Variants in CPED1 observed in about 807,000 individuals in gnomAD.
The protein encoded by CPED1 is cadherin-like and PC-esterase domain-containing protein 1.
CPED1 carries 114 observed loss-of-function variants against 128.2 expected under a neutral mutation model. The observed-to-expected ratio is 0.89, with a 90% CI of 0.76 to 1.04. CPED1 has a LOEUF of 1.04. CPED1 is among the 50% of genes least tolerant of loss of function. The pLI, the probability that CPED1 is intolerant of heterozygous loss-of-function variation, is 0.00. For missense variants in CPED1, 1,211 were observed against 1,207.1 expected, an observed-to-expected ratio of 1.00 and a Z score of -0.05; for synonymous variants, 462 against 426.7, an observed-to-expected ratio of 1.08 and a Z score of -1.02.
intron 16 of CPED1, among the ~76,000 whole-genome samples, chr7:121,156,615 A>G (rs887624296): frequency 6.6e-6 from 1 of 152,220 alleles, no homozygotes; most frequent in Non-Finnish European, 1.5e-5. Context: ...GTTCACGTTC[A>G]TATATGTGAG....
At chr7:121,065,966 C>T (rs751956469) in intron 5 of CPED1, among the ~76,000 whole-genome samples, 53 of 152,080 alleles carry the variant, frequency 3.5e-4, no homozygotes, top group Middle Eastern at 3.4e-3. Context: ...ATGTCTGCAG[C>T]ATTATTTTCT....
intron 16 of CPED1, among the ~76,000 whole-genome samples, chr7:121,226,113 G>A (rs34088248): frequency 0.39 from 59,912 of 151,862 alleles, 12,340 homozygotes; most frequent in Middle Eastern, 0.51. Context: ...CCATCGTTAT[G>A]GTTTTATCTA....
intron 9 of CPED1, among the ~76,000 whole-genome samples, chr7:121,126,204 G>A (rs1481218632): frequency 6.6e-6 from 1 of 151,890 alleles, no homozygotes; most frequent in African/African-American, 2.4e-5. Context: ...ATAATAGAAA[G>A]TAACAGATTA....
At chr7:121,267,428 C>A in intron 21 of CPED1, 126 bp downstream of exon 21, 1 of 466,132 alleles carries the variant, frequency 2.1e-6, no homozygotes, top group Non-Finnish European at 3.8e-6. Context: ...AGAGATTGTG[C>A]TTTAAGTTCC....
rs147010409 is a variant in CPED1, at chr7:121,076,081, A to G, written c.616+11768A>G. On this transcript the variant is annotated intron_variant, in intron 5 of 22. Transcript: ENST00000310396. Reference sequence around the variant, plus strand: ...AGTACATGGTCATAGTCCCTAATATATAATAGTCACTCTAATAATTTTGAA... The same window carrying G: ...AGTACATGGTCATAGTCCCTAATATGTAATAGTCACTCTAATAATTTTGAA... Among the ~76,000 whole-genome samples, 157 of 152,246 alleles carry G rather than the reference A, an allele frequency of 1.0e-3. 1 individual carries two copies. The highest frequency in any genetic ancestry group is 3.4e-3 in the Middle Eastern group (1 of 294).
At chr7:121,132,365 T>C (rs1795692317) in intron 12 of CPED1, among the ~76,000 whole-genome samples, 1 of 152,052 alleles carries the variant, frequency 6.6e-6, no homozygotes, top group Non-Finnish European at 1.5e-5. Flanking sequence ...ATCATTGTCC[T>C]TATCTTCTCA....
chr7:121,262,443 C>A (rs1444489560), intron 18 of CPED1, among the ~76,000 whole-genome samples: 2 of 152,030 alleles, frequency 1.3e-5, no homozygotes, highest in African/African-American at 4.8e-5. Context: ...GGGAAAAATA[C>A]CAATTCCTGT....
intron 4 of CPED1, among the ~76,000 whole-genome samples, chr7:121,061,380 A>G (rs1043718374): frequency 3.6e-4 from 55 of 152,372 alleles, no homozygotes; most frequent in African/African-American, 1.3e-3. Context: ...ATATACACAC[A>G]TACACATAGA....
intron 3 of CPED1, among the ~76,000 whole-genome samples, chr7:121,021,110 T>C (rs1393654069): frequency 6.6e-6 from 1 of 151,942 alleles, no homozygotes; most frequent in Non-Finnish European, 1.5e-5. Flanking sequence ...TGGAGAGTAG[T>C]ATTTAAATGA....
chr7:120,995,590 T>A (rs1258642949), intron 2 of CPED1, among the ~76,000 whole-genome samples: 1 of 152,206 alleles, frequency 6.6e-6, no homozygotes, highest in Non-Finnish European at 1.5e-5. Context: ...TATTATAAAA[T>A]ACTACAAAAA....
intron 22 of CPED1, among the ~76,000 whole-genome samples, chr7:121,286,330 G>T (rs1386214023): frequency 6.6e-6 from 1 of 152,184 alleles, no homozygotes; most frequent in Non-Finnish European, 1.5e-5. Flanking sequence ...TCTTTGTAGA[G>T]GTGAGACATT....
intron 4 of CPED1, among the ~76,000 whole-genome samples, chr7:121,048,523 T>TC (rs796294347): frequency 5.6e-4 from 85 of 152,226 alleles, no homozygotes; most frequent in African/African-American, 2.0e-3. Context: ...TTAACGTTTT[T>TC]TTTTCTTCTG....
intron 16 of CPED1, among the ~76,000 whole-genome samples, chr7:121,193,189 G>T (rs1797185613): frequency 6.6e-6 from 1 of 152,138 alleles, no homozygotes; most frequent in South Asian, 2.1e-4. Context: ...CAAATTTGTG[G>T]TTTATATTTT....
intron 7 of CPED1, among the ~76,000 whole-genome samples, chr7:121,103,596 A>T (rs1260440547): frequency 6.6e-6 from 1 of 152,148 alleles, no homozygotes; most frequent in Non-Finnish European, 1.5e-5. Flanking sequence ...GACAAAACCA[A>T]ACCCACTTTA....
At position 121,124,353 on chromosome 7, in the gene CPED1, T is replaced by A; in HGVS notation, c.941T>A (p.Phe314Tyr). ...TVKLQTFFET[F>Y]LRASSPQQAF... ...CAGCTGCAAACATTTTTTGAGACAT[T>A]CCTGAGAGCCAGTTCACCTCAACAG... The change falls in exon 8 of 23, where the codon TTC becomes TAC. Residue 314 changes from phenylalanine (F) to tyrosine (Y), a missense_variant. By Grantham distance (22) the Phe-to-Tyr change is conservative (BLOSUM62 3). Transcript: ENST00000310396. The A allele has an allele frequency of 6.2e-7, 1 of 1,607,366 alleles. No homozygotes were observed. Among genetic ancestry groups the A allele is most frequent in the Non-Finnish European group, 8.5e-7 (1 of 1,177,110 alleles).
At chr7:121,149,437 A>G (rs1796100665) in intron 16 of CPED1, 1 of 152,218 alleles carries the variant, frequency 6.6e-6, no homozygotes, top group Admixed American at 6.5e-5. Flanking sequence ...CACTCACCTC[A>G]TGAGGTCATG....
At chr7:121,169,217 G>T (rs1796598361) in intron 16 of CPED1, among the ~76,000 whole-genome samples, 1 of 151,718 alleles carries the variant, frequency 6.6e-6, no homozygotes, top group Non-Finnish European at 1.5e-5. Flanking sequence ...GCTGCCTATA[G>T]CTTTTAGAGA....
chr7:121,177,375 C>A (rs376153313), intron 16 of CPED1, among the ~76,000 whole-genome samples: 2 of 151,936 alleles, frequency 1.3e-5, no homozygotes, highest in African/African-American at 4.8e-5. Context: ...GCCTACTCAC[C>A]ATGTTTCTCT....
intron 7 of CPED1, among the ~76,000 whole-genome samples, chr7:121,106,338 A>G (rs1794975427): frequency 1.3e-5 from 2 of 152,064 alleles, no homozygotes; most frequent in South Asian, 4.1e-4. Flanking sequence ...TTATATAGGT[A>G]TACACATATA....
Sources: allele counts gnomAD v4.1 joint callset (sites outside exome capture counted in the v4.1 genomes callset), GRCh38; gene constraint gnomAD v4.1.1; transcripts MANE v1.5; gene names NCBI Gene and HGNC (gene_info 2026-07-23, HGNC 2026-07-21).